CFAP54: variants seen among roughly 807,000 people sequenced by gnomAD.
The protein encoded by CFAP54 is cilia- and flagella-associated protein 54.
A neutral mutation model predicts 370.4 loss-of-function variants in CFAP54; 290 were observed. That is an observed-to-expected ratio of 0.78 (90% CI 0.71 to 0.86). The LOEUF is 0.86. CFAP54 is among the 40% of genes least tolerant of loss of function. CFAP54 has a pLI of 0.00. For missense variants in CFAP54, 3,399 were observed against 3,528.7 expected (o/e 0.96, Z 0.93); for synonymous variants, 1,206 against 1,236.5 (o/e 0.98, Z 0.52).
chr12:96,870,723 G>C (rs1390587478), intron 67 of CFAP54, among the ~76,000 whole-genome samples: 1 of 152,050 alleles, frequency 6.6e-6, no homozygotes, highest in Non-Finnish European at 1.5e-5. Flanking sequence ...GTTCATTTCT[G>C]GTGATAGCAG....
chr12:96,529,709 T>G (rs1955420314), intron 9 of CFAP54, among the ~76,000 whole-genome samples: 1 of 152,228 alleles, frequency 6.6e-6, no homozygotes, highest in Non-Finnish European at 1.5e-5. Context: ...ATAGGAATTC[T>G]TTATCTATTC....
chr12:96,774,333 T>C (rs1485921373), intron 60 of CFAP54, among the ~76,000 whole-genome samples: 1 of 152,166 alleles, frequency 6.6e-6, no homozygotes, highest in East Asian at 1.9e-4. Flanking sequence ...ATCTTTTTGA[T>C]AGATTTTGGA....
intron 64 of CFAP54, among the ~76,000 whole-genome samples, chr12:96,812,506 C>T (rs1048222930): frequency 1.3e-5 from 2 of 152,096 alleles, no homozygotes; most frequent in Non-Finnish European, 2.9e-5. Context: ...GTTCATTGCC[C>T]TTCTGACCTT....
chr12:96,551,973 G>C (rs1031754403), intron 15 of CFAP54, among the ~76,000 whole-genome samples: 3 of 152,104 alleles, frequency 2.0e-5, no homozygotes, highest in African/African-American at 7.2e-5. Context: ...TGGGCTGGGC[G>C]TGGTGGCTCA....
intron 26 of CFAP54, among the ~76,000 whole-genome samples, chr12:96,607,624 C>T (rs1490055427): frequency 1.3e-5 from 2 of 152,038 alleles, no homozygotes; most frequent in Non-Finnish European, 2.9e-5. Context: ...AAAAGAAAAG[C>T]AAATGCAGAA....
chr12:96,862,084 T>C (rs1306621939), intron 67 of CFAP54, among the ~76,000 whole-genome samples: 2 of 152,200 alleles, frequency 1.3e-5, no homozygotes, highest in Non-Finnish European at 2.9e-5. Context: ...ATAGTCTCCT[T>C]TGATAATATA....
At chr12:96,816,212 A>AG (rs1244211110) in intron 64 of CFAP54, among the ~76,000 whole-genome samples, 2 of 152,052 alleles carry the variant, frequency 1.3e-5, no homozygotes, top group South Asian at 4.1e-4. Context: ...ATGTTTTTCC[A>AG]TTTGTTTGTG....
intron 55 of CFAP54, among the ~76,000 whole-genome samples, chr12:96,744,402 C>T (rs191203083): frequency 6.6e-6 from 1 of 152,164 alleles, no homozygotes; most frequent in Admixed American, 6.5e-5. Flanking sequence ...TAGACTATTG[C>T]ACTTTATCCA....
At chr12:96,747,015 A>T (rs1015085778) in intron 55 of CFAP54, among the ~76,000 whole-genome samples, 1 of 152,158 alleles carries the variant, frequency 6.6e-6, no homozygotes, top group African/African-American at 2.4e-5. Context: ...AATGCTTACC[A>T]TGTTGGTTGT....
At chr12:96,510,662 G>A (rs1371741497) in intron 4 of CFAP54, among the ~76,000 whole-genome samples, 1 of 151,916 alleles carries the variant, frequency 6.6e-6, no homozygotes, top group Non-Finnish European at 1.5e-5. Flanking sequence ...CACTTAGACA[G>A]TTTTATTTTT....
rs1441276319 is a variant in CFAP54, at chr12:96,840,663, T to C, written c.9171+11575T>C. ...TTTTACAAACCAAGACATGTCTGAA[T>C]AAATTTTATGGGCATCTATAATTAC... On this transcript the variant is annotated intron_variant, in intron 66 of 67. Coordinates refer to ENST00000524981, the MANE Select transcript of CFAP54 (RefSeq NM_001306084.2). Among the ~76,000 whole-genome samples the C allele has an allele frequency of 2.0e-5, 3 of 147,682 alleles. No homozygotes were observed. The Admixed American group carries it at 2.0e-4, about 10-fold the overall frequency.
At chr12:96,838,532 A>C (rs1181345729) in intron 66 of CFAP54, among the ~76,000 whole-genome samples, 1 of 152,146 alleles carries the variant, frequency 6.6e-6, no homozygotes, top group Non-Finnish European at 1.5e-5. Context: ...CATGTCTTAC[A>C]TGTGGCAGGA....
chr12:96,715,910 C>T (rs1402052309), intron 48 of CFAP54, among the ~76,000 whole-genome samples: 1 of 152,122 alleles, frequency 6.6e-6, no homozygotes, highest in Non-Finnish European at 1.5e-5. Flanking sequence ...CCCATATTCT[C>T]TACTATCACT....
chr12:96,714,370 G>A (rs1957650671), intron 48 of CFAP54, among the ~76,000 whole-genome samples: 1 of 152,214 alleles, frequency 6.6e-6, no homozygotes, highest in Non-Finnish European at 1.5e-5. Context: ...GCTCAGGAGA[G>A]AAGTCCACAC....
At chr12:96,869,650 TATG>T (rs987710203) in intron 67 of CFAP54, among the ~76,000 whole-genome samples, 1 of 152,198 alleles carries the variant, frequency 6.6e-6, no homozygotes, top group Admixed American at 6.5e-5. Flanking sequence ...AATAGATTAT[TATG>T]GGCCGGGTGC....
intron 1 of CFAP54, 143 bp from the exon 2 acceptor site, chr12:96,500,691 C>T: frequency 2.0e-6 from 1 of 511,376 alleles, no homozygotes; most frequent in Non-Finnish European, 3.4e-6. Context: ...ACTGTAATTA[C>T]ATTTATTATT....
chr12:96,855,994 G>A (rs377014347), intron 66 of CFAP54, among the ~76,000 whole-genome samples: 12 of 152,326 alleles, frequency 7.9e-5, no homozygotes, highest in African/African-American at 2.6e-4. Context: ...TCTAGGTGGA[G>A]GTTCCCAAAC....
chr12:96,568,075 G>A (rs1955879670), intron 19 of CFAP54, among the ~76,000 whole-genome samples: 1 of 151,066 alleles, frequency 6.6e-6, no homozygotes, highest in South Asian at 2.1e-4. Flanking sequence ...TCTATTAACT[G>A]TGTTAGCAGT....
At chr12:96,755,992 C>T (rs1340222184) in intron 56 of CFAP54, among the ~76,000 whole-genome samples, 1 of 152,118 alleles carries the variant, frequency 6.6e-6, no homozygotes, top group Non-Finnish European at 1.5e-5. Flanking sequence ...ATCCATGCAC[C>T]TGTCGAAGGG....
Sources: gnomAD v4.1 joint callset for allele counts (sites outside exome capture counted in the v4.1 genomes callset) on GRCh38, gnomAD v4.1.1 for gene constraint, MANE v1.5 for transcripts, NCBI Gene and HGNC (gene_info 2026-07-23, HGNC 2026-07-21) for gene names.